Variants in EPB41 observed in about 807,000 individuals in gnomAD.
The protein encoded by EPB41 is protein 4.1.
Under a neutral mutation model 108.0 loss-of-function variants are expected in EPB41, and 65 were observed. That is an observed-to-expected ratio of 0.60 (90% CI 0.49 to 0.74). The LOEUF (loss-of-function observed/expected upper bound fraction) is 0.74. Among genes scored for constraint, EPB41 ranks in the 30% least tolerant of loss-of-function variants. EPB41 has a pLI of 0.00. For missense variants in EPB41, 875 were observed against 1,037.0 expected, an observed-to-expected ratio of 0.84 and a Z score of 2.15; for synonymous variants, 336 against 358.9, an observed-to-expected ratio of 0.94 and a Z score of 0.72.
At chr1:29,024,487 G>A (rs2096691777) in intron 7 of EPB41, among the ~76,000 whole-genome samples, 1 of 151,478 alleles carries the variant, frequency 6.6e-6, no homozygotes, top group Non-Finnish European at 1.5e-5. Flanking sequence ...CAAAAAATTA[G>A]CCGGGCTTGG....
At position 28,896,525 on chromosome 1, in the gene EPB41, G is replaced by A. The variant is rs140482891; in HGVS notation, c.-8+9315G>A. Among the ~76,000 whole-genome samples, 756 of 152,330 alleles carry A rather than the reference G, an allele frequency of 5.0e-3. 6 individuals carry two copies. The highest frequency in any genetic ancestry group is 0.015 in the African/African-American group (625 of 41,566). ...TTCCCCACCGGGAGCTCGGAGTCTA[G>A]TTGGGAAGAAGATGCAGAAATCACC... On this transcript the variant is annotated intron_variant, in intron 1 of 16. Coordinates refer to the EPB41 transcript ENST00000347529.
chr1:28,952,870 T>A (rs1282142742), intron 1 of EPB41, among the ~76,000 whole-genome samples: 4 of 152,068 alleles, frequency 2.6e-5, no homozygotes, highest in Non-Finnish European at 5.9e-5. Flanking sequence ...CGTGAGAGAT[T>A]AAGCGCTCAC....
intron 4 of EPB41, among the ~76,000 whole-genome samples, chr1:29,006,572 C>T (rs956612492): frequency 1.2e-4 from 19 of 152,076 alleles, no homozygotes; most frequent in African/African-American, 3.9e-4. Context: ...TCTGTATAAA[C>T]GCCCCCAAGA....
At position 29,118,283 on chromosome 1, in the gene EPB41, AT is replaced by A; in HGVS notation, c.*1476del. The A allele has an allele frequency of 6.6e-6, 1 of 152,168 alleles. No individual in the cohort carries two copies. Among genetic ancestry groups the A allele is most frequent in the Non-Finnish European group, 1.5e-5 (1 of 68,026 alleles). 9.4% of individuals were successfully genotyped at this position (152,168 alleles called of 1,614,324 possible). On this transcript the variant is annotated 3_prime_UTR_variant, in exon 21 of 21. Transcript: ENST00000343067. The stretch of plus-strand genomic sequence containing the variant: ...CCACCACGCCCAGCAAATTTTTTGT[AT>A]TTTTAGTAGAAACGGGATTTCACCT...
chr1:29,076,406 G>A (rs1028426203), intron 16 of EPB41, among the ~76,000 whole-genome samples: 2 of 152,156 alleles, frequency 1.3e-5, no homozygotes, highest in African/African-American at 2.4e-5. Context: ...TTAGATAAAA[G>A]AGTAGAGGTG....
intron 1 of EPB41, among the ~76,000 whole-genome samples, chr1:28,975,927 T>G (rs2095595254): frequency 1.7e-5 from 2 of 114,398 alleles, no homozygotes; most frequent in East Asian, 2.6e-4. Flanking sequence ...GGTGACAGAG[T>G]GAGACTCCAT....
At position 29,096,479 on chromosome 1, in the gene EPB41, G is replaced by A. The variant is rs1359782369; in HGVS notation, c.2185-1328G>A. The A allele has an allele frequency of 3.0e-6, 3 of 985,720 alleles. No homozygotes were observed. The African/African-American group carries it at 5.2e-5, about 17-fold the overall frequency. The allele number at this position is 985,720 out of a possible 1,614,324, so 61.1% of individuals were successfully genotyped here. On this transcript the variant is annotated intron_variant, in intron 16 of 20. Coordinates refer to ENST00000343067, the MANE Select transcript of EPB41 (RefSeq NM_001376013.1). ...ACCAGCTTCCTGTCAGCTGCAACCT[G>A]GTGTAAAAAAGGCAGAGAGTAGTGA... is the stretch of plus-strand genomic sequence containing the variant.
At chr1:29,009,715 A>G (rs1257763702) in intron 4 of EPB41, among the ~76,000 whole-genome samples, 1 of 152,222 alleles carries the variant, frequency 6.6e-6, no homozygotes, top group Non-Finnish European at 1.5e-5. Flanking sequence ...TGAAAGACTA[A>G]GGAGAAAACA....
rs2091326476 is a variant in EPB41, at chr1:28,901,597, GATCTTGGCTCACTGCA to G, written c.-8+14392_-8+14407del. Among the ~76,000 whole-genome samples the G allele has an allele frequency of 1.8e-4, 27 of 151,424 alleles. No individual in the cohort carries two copies. In the South Asian group the frequency reaches 5.7e-3, roughly 32 times the overall value. On this transcript the variant is annotated intron_variant, in intron 1 of 16. Transcript: ENST00000347529. ...TGCCCAGGCTGGAGTGCAGTGGTGC[GATCTTGGCTCACTGCA>G]ATCTCCGCCTCCCAGGTTCAAGGGA...
chr1:29,050,832 C>A (rs1056113002), intron 11 of EPB41, among the ~76,000 whole-genome samples: 1 of 151,972 alleles, frequency 6.6e-6, no homozygotes, highest in Non-Finnish European at 1.5e-5. Context: ...CCCGCCACCA[C>A]GCCCAGCTAA....
intron 14 of EPB41, among the ~76,000 whole-genome samples, chr1:29,060,012 A>G (rs759863491): frequency 2.6e-4 from 40 of 152,218 alleles, no homozygotes; most frequent in Non-Finnish European, 4.7e-4. Context: ...GTCACTAAGT[A>G]TAAAATACAT....
At chr1:29,039,696 C>T (rs1640761722) in intron 11 of EPB41, among the ~76,000 whole-genome samples, 1 of 152,118 alleles carries the variant, frequency 6.6e-6, no homozygotes, top group Non-Finnish European at 1.5e-5. Context: ...TGCCTGTAAT[C>T]CCAGCTACTT....
chr1:29,067,279 C>T (rs561827438), intron 16 of EPB41, among the ~76,000 whole-genome samples: 1 of 151,544 alleles, frequency 6.6e-6, no homozygotes, highest in Non-Finnish European at 1.5e-5. Context: ...GGGTGGATCA[C>T]GAGGTCAGGA....
rs774665169 is a variant in EPB41 at position 29,053,250 on chromosome 1, G to A, written c.1783G>A (p.Glu595Lys). 9 of 1,614,066 alleles carry A rather than the reference G, an allele frequency of 5.6e-6. No individual in the cohort carries two copies. Among genetic ancestry groups the A allele is most frequent in the Non-Finnish European group, 7.6e-6 (9 of 1,180,048 alleles). The change falls in exon 12 of 21, where the codon GAA becomes AAA. Residue 595 changes from glutamate (E) to lysine (K), a missense_variant. Glu to Lys is a moderately conservative substitution (Grantham distance 56, BLOSUM62 1). Around this residue, in one of 3 missense-constraint regions of EPB41, gnomAD observed 519 missense variants for 627.3 expected, o/e 0.83. Coordinates refer to ENST00000343067, the MANE Select transcript of EPB41 (RefSeq NM_001376013.1). ...AGCACAGAAGGAAACAGTGAAGGCTGAAGTGAAAAAGGAAGACGAGCCACC... is the reference window on the plus strand; with the variant it reads ...AGCACAGAAGGAAACAGTGAAGGCTAAAGTGAAAAAGGAAGACGAGCCACC... ...PKAQKETVKA[E>K]VKKEDEPPEQ...
At chr1:28,957,218 A>G (rs577241702) in intron 1 of EPB41, among the ~76,000 whole-genome samples, 1 of 152,244 alleles carries the variant, frequency 6.6e-6, no homozygotes, top group Non-Finnish European at 1.5e-5. Context: ...TTTCATGAGG[A>G]ATACTCTGCA....
At chr1:29,014,431 T>C (rs1435035598) in intron 5 of EPB41, among the ~76,000 whole-genome samples, 1 of 152,146 alleles carries the variant, frequency 6.6e-6, no homozygotes, top group Non-Finnish European at 1.5e-5. Context: ...AAAAGATACA[T>C]ATGAGTATAG....
chr1:28,912,087 C>T (rs548921870), upstream of EPB41, among the ~76,000 whole-genome samples: 29 of 152,158 alleles, frequency 1.9e-4, no homozygotes, highest in Non-Finnish European at 3.4e-4. Context: ...ACAGAATGAC[C>T]CTGGCCAAGT....
chr1:28,890,408 T>C (rs2089993352), intron 1 of EPB41, among the ~76,000 whole-genome samples: 1 of 152,162 alleles, frequency 6.6e-6, no homozygotes, highest in Non-Finnish European at 1.5e-5. Context: ...CTTTGCTCCC[T>C]GGGTTTCAGT....
rs1235458719 is a variant in EPB41 at position 28,937,500 on chromosome 1, T to A, written c.-8+22732T>A. On this transcript the variant is annotated intron_variant, in intron 1 of 20. Coordinates refer to ENST00000343067, the MANE Select transcript of EPB41 (RefSeq NM_001376013.1). Reference sequence around the variant, plus strand: ...ACCTCTGCCTCACAGGCTCAAGTGATTCTCCTGCCTCATCCTCCCAAGTAG... The same window carrying A: ...ACCTCTGCCTCACAGGCTCAAGTGAATCTCCTGCCTCATCCTCCCAAGTAG... Among the ~76,000 whole-genome samples, 7 of 152,294 alleles carry A rather than the reference T, an allele frequency of 4.6e-5. No homozygotes were observed. The East Asian group carries it at 5.8e-4, about 13-fold the overall frequency.
Sources: allele counts gnomAD v4.1 joint callset (sites outside exome capture counted in the v4.1 genomes callset), GRCh38; gene constraint gnomAD v4.1.1; regional missense constraint gnomAD v4.1.1; transcripts MANE v1.5; gene names NCBI Gene and HGNC (gene_info 2026-07-23, HGNC 2026-07-21).